Variants in KLC3 observed in about 807,000 individuals in gnomAD.
KLC3 encodes kinesin light chain 2.
A neutral mutation model predicts 62.9 loss-of-function variants in KLC3; 72 were observed. That is an observed-to-expected ratio of 1.15 (90% CI 0.95 to 1.39). The LOEUF (loss-of-function observed/expected upper bound fraction) is 1.39. KLC3 is among the 40% of genes most tolerant of loss of function. The probability of loss-of-function intolerance (pLI) is 0.00; values close to 1 mark genes in which losing one functional copy is unlikely to be tolerated. For synonymous variants in KLC3, 377 were observed against 300.5 expected, an observed-to-expected ratio of 1.25 and a Z score of -2.63; for missense variants, 848 against 691.6, an observed-to-expected ratio of 1.23 and a Z score of -2.54.
At position 45,351,386 on chromosome 19, in the gene KLC3, T is replaced by G. The variant is rs766551027; in HGVS notation, c.*29T>G. ...CCAGTGAACTGCGCTGGCCGCAGCT[T>G]CTTGGGAACAGTGCAGGAGGGATGG... On this transcript the variant is annotated 3_prime_UTR_variant, in exon 13 of 13. Coordinates refer to ENST00000391946, the MANE Select transcript of KLC3 (RefSeq NM_177417.3). The G allele has an allele frequency of 6.2e-7, 1 of 1,607,066 alleles. No homozygotes were observed.
At chr19:45,344,563 T>C (rs776193083) in intron 1 of KLC3, among the ~76,000 whole-genome samples, 60 of 152,030 alleles carry the variant, frequency 3.9e-4, no homozygotes, top group Non-Finnish European at 7.4e-4. Context: ...GTGTGTCAAA[T>C]TGTATTTCGG....
chr19:45,345,605 G>T lies in KLC3; in HGVS notation c.64G>T (p.Glu22Ter). 1.3e-6 allele frequency: 2 copies of T among 1,577,910 alleles called. No individual in the cohort carries two copies. The highest frequency in any genetic ancestry group is 2.3e-5 in the East Asian group (1 of 43,174). ...GGGCCCAGAGCGCCTGAGCCCTGAG[G>T]AGCTGGTGCGGCAGACGCGGCAAGT... is the stretch of plus-strand genomic sequence containing the variant. ...GLGPERLSPE[E>*]LVRQTRQVVQ... is the part of the protein sequence containing the mutation. The change falls in exon 2 of 13, where the codon GAG becomes TAG. Residue 22 changes from glutamate (E) to a stop codon, truncating the protein, a stop_gained. Transcript: ENST00000391946. LOFTEE classifies it high-confidence loss of function.
rs375029521 is a variant in KLC3, at chr19:45,350,342, C to T, written c.1145C>T (p.Ala382Val). 3.8e-5 allele frequency: 61 copies of T among 1,613,206 alleles called. No individual in the cohort carries two copies. The African/African-American group carries it at 7.8e-4, about 21-fold the overall frequency. ...PNVAKTKNNLASAYLKQNKYQ... is the reference protein window; with the variant it reads ...PNVAKTKNNLVSAYLKQNKYQ... ...TCCCAGACACTCCCTTCTCCGCAGG[C>T]CTCAGCCTACCTGAAACAGAACAAG... Residue 382 changes from alanine to valine, a missense_variant and splice_region_variant, in exon 9 of 13, where the codon GCC (alanine) becomes GTC (valine). Transcript: ENST00000391946.
At position 45,348,066 on chromosome 19, in the gene KLC3, C is replaced by G; in HGVS notation, c.685C>G (p.Leu229Val). 1.2e-6 allele frequency: 2 copies of G among 1,602,844 alleles called. No individual in the cohort carries two copies. The highest frequency in any genetic ancestry group is 1.7e-6 in the Non-Finnish European group (2 of 1,174,966). Reference sequence around the variant, plus strand: ...GGGCCGCTATGAGGTGGCGGTGCCTCTGTGCCGCCAGGCCTTGGAGGACCT... The same window carrying G: ...GGGCCGCTATGAGGTGGCGGTGCCTGTGTGCCGCCAGGCCTTGGAGGACCT... ...GQGRYEVAVP[L>V]CRQALEDLER... Residue 229 changes from leucine to valine, a missense_variant, in exon 5 of 13, where the codon CTG becomes GTG. Coordinates refer to ENST00000391946, the MANE Select transcript of KLC3 (RefSeq NM_177417.3).
chr19:45,347,356 A>C (rs1048793357), intron 3 of KLC3, 91 bp from the exon 4 acceptor site: 11 of 936,260 alleles, frequency 1.2e-5, no homozygotes, highest in South Asian at 4.6e-5. Flanking sequence ...AAAAAAAAAA[A>C]CAAAAAAACA....
At position 45,346,639 on chromosome 19, in the gene KLC3, G is replaced by A. The variant is rs757272499; in HGVS notation, c.354G>A (p.Trp118Ter). Residue 118 changes from tryptophan to a stop codon, truncating the protein, a stop_gained, in exon 3 of 13, where the codon TGG becomes TGA. Transcript: ENST00000391946. LOFTEE classifies it high-confidence loss of function. ...QARRLAQENV[W>*]LREELEETQR... ...GGCGGCTGGCCCAGGAGAACGTGTGGCTGCGGGAGGAACTGGAGGAGACGC... is the reference window on the plus strand; with the variant it reads ...GGCGGCTGGCCCAGGAGAACGTGTGACTGCGGGAGGAACTGGAGGAGACGC... 2.5e-5 allele frequency: 39 copies of A among 1,554,348 alleles called. No homozygotes were observed. Among genetic ancestry groups the A allele is most frequent in the Non-Finnish European group, 3.3e-5 (38 of 1,149,470 alleles).
intron 3 of KLC3, 72 bp from the exon 4 acceptor site, chr19:45,347,375 A>C: frequency 9.5e-7 from 1 of 1,055,564 alleles, no homozygotes; most frequent in Non-Finnish European, 1.4e-6. Context: ...CAAAAACCTG[A>C]GATAGAGCCA....
intron 2 of KLC3, among the ~76,000 whole-genome samples, chr19:45,346,224 C>G (rs1971487546): frequency 6.6e-6 from 1 of 151,914 alleles, no homozygotes; most frequent in African/African-American, 2.4e-5. Flanking sequence ...CTAGGGGAAC[C>G]AGGCCTGGGA....
rs1203613568 is a variant in KLC3, at chr19:45,349,474, C to A, written c.1015C>A (p.Leu339Met). ...AGATGTGGCCAAGCAGCTCAACAACCTGGCCCTGCTGTGCCAGAACCAGGG... is the reference window on the plus strand; with the variant it reads ...AGATGTGGCCAAGCAGCTCAACAACATGGCCCTGCTGTGCCAGAACCAGGG... ...HPDVAKQLNN[L>M]ALLCQNQGKF... is the part of the protein sequence containing the mutation. Residue 339 changes from leucine to methionine, a missense_variant, in exon 8 of 13, where the codon CTG becomes ATG. By Grantham distance (15) the Leu-to-Met change is conservative. Coordinates refer to ENST00000391946, the MANE Select transcript of KLC3 (RefSeq NM_177417.3). The A allele has an allele frequency of 6.2e-7, 1 of 1,613,556 alleles. No individual in the cohort carries two copies. The highest frequency in any genetic ancestry group is 8.5e-7 in the Non-Finnish European group (1 of 1,179,704).
At chr19:45,346,830 C>A in intron 3 of KLC3, 56 bp downstream of exon 3, 1 of 1,442,688 alleles carries the variant, frequency 6.9e-7, no homozygotes, top group South Asian at 1.2e-5. Context: ...GCCCCACAGT[C>A]CCCCAGACCC....
chr19:45,345,416 G>C (rs932382724), intron 1 of KLC3, 118 bp from the exon 2 acceptor site: 32 of 1,371,692 alleles, frequency 2.3e-5, no homozygotes, highest in Non-Finnish European at 3.1e-5. Context: ...GGTGGAGCAG[G>C]GAAGAGCCAG....
At chr19:45,346,870 TC>T (rs1971510148) in intron 3 of KLC3, 96 bp downstream of exon 3, 1 of 1,170,758 alleles carries the variant, frequency 8.5e-7, no homozygotes, top group South Asian at 1.4e-5. Flanking sequence ...CCCAAGATCC[TC>T]CTTAGAATCC....
rs1299669881 is a variant in KLC3 at position 45,351,285 on chromosome 19, G to A, written c.1444-1G>A. 6.2e-7 allele frequency: 1 copy of A among 1,612,398 alleles called. No individual in the cohort carries two copies. Among genetic ancestry groups the A allele is most frequent in the East Asian group, 2.2e-5 (1 of 44,890 alleles). ...CAACCATCCCCTGTGCCTGTCTCCA[G>A]TTTCCCAGCTGGCACCTGGACAAGG... On this transcript the variant is annotated splice_acceptor_variant, in intron 12 of 12. Coordinates refer to ENST00000391946, the MANE Select transcript of KLC3 (RefSeq NM_177417.3). LOFTEE classifies it high-confidence loss of function.
At chr19:45,351,107 A>G in intron 12 of KLC3, 90 bp downstream of exon 12, 1 of 1,608,530 alleles carries the variant, frequency 6.2e-7, no homozygotes, top group Non-Finnish European at 8.5e-7. Context: ...CCAGTGGTGG[A>G]GTCAGCAGGT....
At position 45,349,473 on chromosome 19, in the gene KLC3, C is replaced by T; in HGVS notation, c.1014C>T (p.Asn338=). Residue 338 remains asparagine, a synonymous_variant, in exon 8 of 13, where the codon AAC becomes AAT. Coordinates refer to ENST00000391946, the MANE Select transcript of KLC3 (RefSeq NM_177417.3). ...CAGATGTGGCCAAGCAGCTCAACAACCTGGCCCTGCTGTGCCAGAACCAGG... is the reference window on the plus strand; with the variant it reads ...CAGATGTGGCCAAGCAGCTCAACAATCTGGCCCTGCTGTGCCAGAACCAGG... ...DHPDVAKQLN[N]LALLCQNQGK... is the part of the protein sequence containing the mutation. The T allele has an allele frequency of 6.2e-7, 1 of 1,613,548 alleles. No individual in the cohort carries two copies. Among genetic ancestry groups the T allele is most frequent in the Non-Finnish European group, 8.5e-7 (1 of 1,179,684 alleles).
At chr19:45,345,898 T>C (rs1348501482) in intron 2 of KLC3, 99 bp downstream of exon 2, 6 of 919,556 alleles carry the variant, frequency 6.5e-6, no homozygotes, top group African/African-American at 3.8e-5. Flanking sequence ...TGGGAGAGGG[T>C]TCACTATTGC....
At chr19:45,341,179 CCTGTGTTTGT>C (rs1971385627) in intron 1 of KLC3, among the ~76,000 whole-genome samples, 1 of 117,428 alleles carries the variant, frequency 8.5e-6, no homozygotes, top group Non-Finnish European at 1.7e-5. Context: ...CTCCTGCCTG[CCTGTGTTTGT>C]GTGTGTGTGT....
intron 5 of KLC3, 113 bp downstream of exon 5, chr19:45,348,273 G>A (rs552292701): frequency 2.0e-6 from 2 of 980,774 alleles, no homozygotes; most frequent in Admixed American, 2.6e-5. Flanking sequence ...GGGAGGTCAG[G>A]GGAGGGGACA....
intron 8 of KLC3, 62 bp from the exon 9 acceptor site, chr19:45,350,279 G>A: frequency 2.3e-6 from 3 of 1,294,044 alleles, no homozygotes; most frequent in Non-Finnish European, 3.3e-6. Flanking sequence ...AAAAAAGGCG[G>A]GACTGGATGC....
Sources: gnomAD v4.1 joint callset for allele counts (sites outside exome capture counted in the v4.1 genomes callset) on GRCh38, gnomAD v4.1.1 for gene constraint, MANE v1.5 for transcripts, NCBI Gene and HGNC (gene_info 2026-07-23, HGNC 2026-07-21) for gene names.